The following GRIP2 variants were observed in gnomAD, a reference collection of about 807,000 sequenced individuals.
GRIP2 encodes glutamate receptor interacting protein 2, also known as glutamate receptor-interacting protein 2.
A neutral mutation model predicts 108.3 loss-of-function variants in GRIP2; 58 were observed. The observed-to-expected ratio is 0.54, with a 90% confidence interval of 0.43 to 0.67. The LOEUF (loss-of-function observed/expected upper bound fraction) is 0.67, where lower values mean the gene tolerates loss of function less well. GRIP2 is among the 30% of genes least tolerant of loss of function. The probability of loss-of-function intolerance (pLI) is 0.00; values close to 1 mark genes in which losing one functional copy is unlikely to be tolerated. For synonymous variants in GRIP2, 586 were observed against 598.2 expected, an observed-to-expected ratio of 0.98 and a Z score of 0.30; for missense variants, 1,278 against 1,430.6, an observed-to-expected ratio of 0.89 and a Z score of 1.72.
chr3:14,531,616 A>G (rs1694712851), intron 1 of GRIP2, among the ~76,000 whole-genome samples: 1 of 152,074 alleles, frequency 6.6e-6, no homozygotes, highest in Non-Finnish European at 1.5e-5. Flanking sequence ...GTTCCACCTC[A>G]TTCACTTCTC....
intron 17 of GRIP2, among the ~76,000 whole-genome samples, chr3:14,508,814 A>T (rs1228063304): frequency 6.6e-6 from 1 of 152,200 alleles, no homozygotes. Context: ...AACTAAATAT[A>T]TATTTAAGAT....
the GRIP2 span, among the ~76,000 whole-genome samples, chr3:14,592,547 G>A: frequency 2.6e-5 from 4 of 152,334 alleles, no homozygotes; most frequent in African/African-American, 7.2e-5. Flanking sequence ...TCGCCTACCA[G>A]GACGTGGACC....
rs369113870 is a variant in GRIP2, at chr3:14,520,513, G to A, written c.737C>T (p.Pro246Leu). The A allele has an allele frequency of 1.2e-5, 20 of 1,613,814 alleles. No individual in the cohort carries two copies. Among genetic ancestry groups the A allele is most frequent in the African/African-American group, 2.7e-5 (2 of 74,912 alleles). ...TPDTVANASG[P>L]LMVEIVKTPG... ...CGTCTTGACTATTTCCACCATCAAG[G>A]GTCCCGAAGCATTAGCCACCGTGTC... is the stretch of plus-strand genomic sequence containing the variant. Residue 246 changes from proline to leucine, a missense_variant, in exon 8 of 24, where the codon CCC becomes CTC. Physicochemically the swap from Pro to Leu is moderately conservative, Grantham distance 98. Coordinates refer to ENST00000621039, the MANE Select transcript of GRIP2 (RefSeq NM_001080423.4).
chr3:14,566,104 T>C, the GRIP2 span, among the ~76,000 whole-genome samples: 1 of 152,212 alleles, frequency 6.6e-6, no homozygotes. Context: ...CCAATAACTG[T>C]GTGATCTTTC....
chr3:14,574,248 C>T, the GRIP2 span: 1 of 876,402 alleles, frequency 1.1e-6, no homozygotes, highest in South Asian at 1.4e-5. Flanking sequence ...CTTGACGAAG[C>T]TGTCGATGTG....
rs893664530 is a variant in GRIP2 at position 14,494,967 on chromosome 3, A to G, written c.2846T>C (p.Met949Thr). 5.6e-6 allele frequency: 9 copies of G among 1,613,766 alleles called. No homozygotes were observed. The highest frequency in any genetic ancestry group is 1.7e-5 in the Admixed American group (1 of 59,996). The change falls in exon 23 of 24, where the codon ATG (methionine) becomes ACG (threonine). Residue 949 changes from methionine (M) to threonine (T), a missense_variant. By Grantham distance (81) the Met-to-Thr change is moderately conservative. Transcript: ENST00000621039. The stretch of plus-strand genomic sequence containing the variant: ...GACGCTGAAACCAAAGTCATGCCGC[A>G]TGGGGTCCTTGTGCAGGGTCACCTG... Reference protein sequence around the residue: ...MHKVTLHKDPMRHDFGFSVSD... With the variant: ...MHKVTLHKDPTRHDFGFSVSD...
At chr3:14,541,487 G>A (rs939553062), upstream of GRIP2, among the ~76,000 whole-genome samples, 2 of 152,220 alleles carry the variant, frequency 1.3e-5, no homozygotes, top group African/African-American at 2.4e-5. Context: ...GGTTTCTTGT[G>A]GGTTCCCTCC....
At chr3:14,495,412 C>CGTTTTT (rs973942965) in intron 22 of GRIP2, among the ~76,000 whole-genome samples, 1 of 152,022 alleles carries the variant, frequency 6.6e-6, no homozygotes, top group Non-Finnish European at 1.5e-5. Flanking sequence ...TTTTTGTTTT[C>CGTTTTT]GTTTTTGTTT....
the GRIP2 span, among the ~76,000 whole-genome samples, chr3:14,564,636 T>C: frequency 5.3e-5 from 8 of 152,282 alleles, no homozygotes; most frequent in East Asian, 1.5e-3. Flanking sequence ...TGACTTAAAA[T>C]TATGTACCAG....
upstream of GRIP2, chr3:14,540,346 C>T (rs202090829): frequency 8.9e-4 from 1,428 of 1,612,582 alleles, 4 homozygotes; most frequent in Non-Finnish European, 9.9e-4. This position sits in a 1 kb window ranked among gnomAD's most constrained non-coding sequence, Gnocchi z 4.1. Flanking sequence ...CCAACTCCCT[C>T]GGGAGCCACG....
intron 23 of GRIP2, 72 bp downstream of exon 23, chr3:14,494,758 ACAGGCGATAGATG>A: frequency 2.1e-6 from 3 of 1,463,392 alleles, no homozygotes; most frequent in South Asian, 1.4e-5. Context: ...TGCCCTCTTC[ACAGGCGATAGATG>A]CAGGCTCTTT....
upstream of GRIP2, among the ~76,000 whole-genome samples, chr3:14,556,732 G>C (rs550353629): frequency 6.6e-6 from 1 of 152,204 alleles, no homozygotes; most frequent in Non-Finnish European, 1.5e-5. Context: ...CTCAGAAAAC[G>C]CATCCAGCAT....
the GRIP2 span, among the ~76,000 whole-genome samples, chr3:14,587,808 C>T: frequency 2.6e-5 from 4 of 152,208 alleles, no homozygotes; most frequent in South Asian, 6.2e-4. Flanking sequence ...ATGCTGGGTG[C>T]GCTCTGCCCT....
At chr3:14,513,890 C>G in intron 12 of GRIP2, 80 bp from the exon 13 acceptor site, 1 of 1,524,940 alleles carries the variant, frequency 6.6e-7, no homozygotes, top group Non-Finnish European at 8.9e-7. Flanking sequence ...CAGGGCAGGA[C>G]TGAACCTGGG....
upstream of GRIP2, among the ~76,000 whole-genome samples, chr3:14,545,524 G>A (rs764129918): frequency 6.6e-6 from 1 of 152,236 alleles, no homozygotes; most frequent in East Asian, 1.9e-4. Flanking sequence ...CCAGGGGCCT[G>A]GCCACGGATG....
intron 21 of GRIP2, among the ~76,000 whole-genome samples, chr3:14,501,629 A>T (rs541028793): frequency 1.4e-4 from 22 of 152,260 alleles, no homozygotes; most frequent in Non-Finnish European, 2.6e-4. Flanking sequence ...TGATTTCATT[A>T]TCTTAAAAAT....
the GRIP2 span, chr3:14,574,716 G>A: frequency 5.4e-6 from 3 of 556,486 alleles, no homozygotes; most frequent in Non-Finnish European, 1.0e-5. Context: ...CCAGCGCAAG[G>A]TGCCATCCCT....
intron 22 of GRIP2, among the ~76,000 whole-genome samples, chr3:14,495,367 G>T (rs1693564224): frequency 6.6e-6 from 1 of 152,062 alleles, no homozygotes; most frequent in African/African-American, 2.4e-5. Flanking sequence ...ATTGGCTAGG[G>T]GTTGTCCTCC....
At chr3:14,580,301 C>A in the GRIP2 span, among the ~76,000 whole-genome samples, 1 of 152,360 alleles carries the variant, frequency 6.6e-6, no homozygotes, top group Non-Finnish European at 1.5e-5. Context: ...TGAGTGGTTT[C>A]TTCCAGCCTC....
Sources: gnomAD v4.1 joint callset for allele counts (sites outside exome capture counted in the v4.1 genomes callset) on GRCh38, gnomAD v4.1.1 for gene constraint, Gnocchi (gnomAD v3.1) non-coding constraint, MANE v1.5 for transcripts, NCBI Gene and HGNC (gene_info 2026-07-23, HGNC 2026-07-21) for gene names.